The following NKAIN2 variants were observed in gnomAD, a reference collection of about 807,000 sequenced individuals.
The protein encoded by NKAIN2 is sodium/potassium-transporting ATPase subunit beta-1-interacting protein 2.
A neutral mutation model predicts 32.6 loss-of-function variants in NKAIN2; 14 were observed. That is an observed-to-expected ratio of 0.43 (90% confidence interval 0.28 to 0.67). The LOEUF (loss-of-function observed/expected upper bound fraction) is 0.67. NKAIN2 is among the 30% of genes least tolerant of loss of function. The pLI, the probability that NKAIN2 is intolerant of heterozygous loss-of-function variation, is 0.17. For missense variants in NKAIN2, 198 were observed against 258.3 expected, an observed-to-expected ratio of 0.77 and a Z score of 1.60; for synonymous variants, 80 against 87.2, an observed-to-expected ratio of 0.92 and a Z score of 0.46.
chr6:124,499,262 C>T (rs758221938), intron 3 of NKAIN2, among the ~76,000 whole-genome samples: 2 of 152,076 alleles, frequency 1.3e-5, no homozygotes, highest in Non-Finnish European at 2.9e-5. Flanking sequence ...TAGACATATG[C>T]CCTGATACTT....
intron 1 of NKAIN2, among the ~76,000 whole-genome samples, chr6:124,188,351 T>C (rs1234703696): frequency 6.6e-6 from 1 of 152,234 alleles, no homozygotes; most frequent in Non-Finnish European, 1.5e-5. Context: ...AGCCACTGGC[T>C]GAAGCTTCTA....
intron 1 of NKAIN2, among the ~76,000 whole-genome samples, chr6:123,831,246 T>A (rs1774365268): frequency 6.6e-6 from 1 of 152,036 alleles, no homozygotes; most frequent in Admixed American, 6.6e-5. Flanking sequence ...ACTTGGCAAT[T>A]GCATTTCCTA....
intron 1 of NKAIN2, among the ~76,000 whole-genome samples, chr6:123,947,996 ATGAG>A (rs1275587980): frequency 6.6e-6 from 1 of 152,190 alleles, no homozygotes; most frequent in East Asian, 1.9e-4. Context: ...GATTCCATAT[ATGAG>A]TGAGAACATA....
At chr6:124,522,287 C>T (rs1282073420) in intron 3 of NKAIN2, among the ~76,000 whole-genome samples, 1 of 152,120 alleles carries the variant, frequency 6.6e-6, no homozygotes, top group Non-Finnish European at 1.5e-5. Flanking sequence ...TGTTACTATT[C>T]AGCATGTATT....
At chr6:124,144,319 C>T (rs1265549826) in intron 1 of NKAIN2, among the ~76,000 whole-genome samples, 2 of 152,062 alleles carry the variant, frequency 1.3e-5, no homozygotes, top group South Asian at 4.1e-4. Context: ...CTTCAGAGAC[C>T]AAATCCAGAC....
chr6:124,198,328 TG>T (rs1470478215), intron 1 of NKAIN2, among the ~76,000 whole-genome samples: 1 of 151,788 alleles, frequency 6.6e-6, no homozygotes, highest in Admixed American at 6.6e-5. Flanking sequence ...GCCCGTGTTG[TG>T]GGGATAGCAG....
intron 1 of NKAIN2, among the ~76,000 whole-genome samples, chr6:123,821,094 A>G (rs1271658014): frequency 1.3e-5 from 2 of 152,240 alleles, no homozygotes; most frequent in African/African-American, 4.8e-5. Flanking sequence ...TGTTTTAATG[A>G]GTAACATTAC....
chr6:123,866,954 C>T (rs544324694), intron 1 of NKAIN2, among the ~76,000 whole-genome samples: 1 of 152,210 alleles, frequency 6.6e-6, no homozygotes, highest in South Asian at 2.1e-4. Flanking sequence ...TCGTGTTCTC[C>T]CATAGTGACT....
intron 4 of NKAIN2, among the ~76,000 whole-genome samples, chr6:124,763,096 A>T (rs771802505): frequency 2.0e-5 from 3 of 152,224 alleles, no homozygotes; most frequent in Admixed American, 2.0e-4. Context: ...AATCTAAAAA[A>T]GTTGAACTTA....
chr6:123,931,130 G>A (rs932333019), intron 1 of NKAIN2, among the ~76,000 whole-genome samples: 1 of 151,314 alleles, frequency 6.6e-6, no homozygotes, highest in African/African-American at 2.4e-5. Context: ...CAGTAGGTGA[G>A]GTTACCTCTT....
intron 1 of NKAIN2, among the ~76,000 whole-genome samples, chr6:124,118,156 T>C (rs1346782265): frequency 6.6e-6 from 1 of 152,120 alleles, no homozygotes; most frequent in African/African-American, 2.4e-5. Context: ...GGGCAGAAGG[T>C]TCATATGTCT....
intron 1 of NKAIN2, among the ~76,000 whole-genome samples, chr6:123,835,147 C>T (rs7772407): frequency 0.52 from 79,659 of 151,946 alleles, 20,918 homozygotes; most frequent in Middle Eastern, 0.59. Flanking sequence ...AATGTGTTTA[C>T]TTAAATTTAG....
intron 1 of NKAIN2, among the ~76,000 whole-genome samples, chr6:124,019,408 A>G (rs1488082222): frequency 6.6e-6 from 1 of 152,170 alleles, no homozygotes; most frequent in Non-Finnish European, 1.5e-5. Flanking sequence ...GGAGTGAAAA[A>G]AAAACTGTTG....
intron 1 of NKAIN2, among the ~76,000 whole-genome samples, chr6:123,939,106 A>G (rs1436794493): frequency 6.6e-6 from 1 of 151,972 alleles, no homozygotes; most frequent in Non-Finnish European, 1.5e-5. Context: ...AATGGAAGCA[A>G]GAGTTTGCAA....
chr6:124,261,911 A>G (rs773879803), intron 1 of NKAIN2, among the ~76,000 whole-genome samples: 12 of 151,620 alleles, frequency 7.9e-5, no homozygotes, highest in Non-Finnish European at 1.8e-4. Flanking sequence ...CTTAATATCC[A>G]TGCTTTGTTT....
chr6:124,179,831 T>A (rs1789348554), intron 1 of NKAIN2, among the ~76,000 whole-genome samples: 1 of 152,216 alleles, frequency 6.6e-6, no homozygotes. Context: ...CAAACCTTCT[T>A]AAATAATGGA....
At chr6:124,306,804 A>G (rs1796521967) in intron 2 of NKAIN2, among the ~76,000 whole-genome samples, 1 of 152,160 alleles carries the variant, frequency 6.6e-6, no homozygotes, top group Non-Finnish European at 1.5e-5. Flanking sequence ...ATTATTCAGA[A>G]CTGTATGTGA....
intron 4 of NKAIN2, among the ~76,000 whole-genome samples, chr6:124,699,584 A>C (rs9491213): frequency 0.39 from 59,282 of 151,832 alleles, 11,669 homozygotes; most frequent in African/African-American, 0.41. Context: ...GAGAGTTCTC[A>C]TGACATCTGG....
chr6:124,153,549 A>G (rs1035367637), intron 1 of NKAIN2, among the ~76,000 whole-genome samples: 1 of 151,702 alleles, frequency 6.6e-6, no homozygotes, highest in Non-Finnish European at 1.5e-5. Context: ...TCCAGGAAGC[A>G]TTTTGTAATT....
Sources: gnomAD v4.1 joint callset for allele counts (sites outside exome capture counted in the v4.1 genomes callset) on GRCh38, gnomAD v4.1.1 for gene constraint, MANE v1.5 for transcripts, NCBI Gene and HGNC (gene_info 2026-07-23, HGNC 2026-07-21) for gene names.